CNTNAP2: variants seen among roughly 807,000 people sequenced by gnomAD.
CNTNAP2 encodes contactin associated protein 2, also known as contactin-associated protein-like 2.
CNTNAP2 carries 98 observed loss-of-function variants against 155.2 expected under a neutral mutation model. That is an observed-to-expected ratio of 0.63 (90% CI 0.54 to 0.75). The LOEUF (loss-of-function observed/expected upper bound fraction) is 0.75, where lower values mean the gene tolerates loss of function less well. Among genes scored for constraint, CNTNAP2 ranks in the 30% least tolerant of loss-of-function variants. The pLI is 0.00. For synonymous variants in CNTNAP2, 651 were observed against 631.2 expected (o/e 1.03, Z -0.47); for missense variants, 1,727 against 1,688.1 (o/e 1.02, Z -0.40).
In CNTNAP2 at chr7:147,639,239, C is replaced by T. The variant is rs752060241; in HGVS notation, c.2031C>T (p.Asp677=). 17 of 1,614,016 alleles carry T rather than the reference C, an allele frequency of 1.1e-5. No individual in the cohort carries two copies. The highest frequency in any genetic ancestry group is 1.4e-5 in the Non-Finnish European group (16 of 1,180,018). Residue 677 remains aspartate, a synonymous_variant, in exon 13 of 24, where the codon GAC becomes GAT. Transcript: ENST00000361727. ...ASMDQISAIT[D]SAEYCEQYVS... ...TGGACCAGATAAGTGCCATCACTGA[C>T]AGTGCCGAGTACTGCGAGCAGTATG...
chr7:148,132,632 A>G (rs1804856456), intron 16 of CNTNAP2, among the ~76,000 whole-genome samples: 1 of 152,238 alleles, frequency 6.6e-6, no homozygotes, highest in Non-Finnish European at 1.5e-5. Flanking sequence ...TAGAATAGAA[A>G]TGTTGAAGAA....
chr7:147,533,268 C>G (rs989905926), intron 11 of CNTNAP2, among the ~76,000 whole-genome samples: 2 of 152,210 alleles, frequency 1.3e-5, no homozygotes, highest in South Asian at 4.1e-4. Context: ...ATGCCTAGGA[C>G]AAAATTTCTA....
intron 3 of CNTNAP2, among the ~76,000 whole-genome samples, chr7:146,868,396 A>T (rs553965276): frequency 6.6e-6 from 1 of 152,148 alleles, no homozygotes; most frequent in Non-Finnish European, 1.5e-5. Flanking sequence ...GTGTACCATT[A>T]CCATGCTGTT....
intron 13 of CNTNAP2, among the ~76,000 whole-genome samples, chr7:147,656,096 A>G (rs1795521332): frequency 1.3e-5 from 2 of 152,360 alleles, no homozygotes; most frequent in South Asian, 4.1e-4. Context: ...TTTCTTCTGC[A>G]GACTTCTCAC....
At chr7:146,153,351 G>GT (rs1198043336) in intron 1 of CNTNAP2, among the ~76,000 whole-genome samples, 4 of 152,210 alleles carry the variant, frequency 2.6e-5, no homozygotes, top group African/African-American at 9.6e-5. Context: ...ATACTCACAC[G>GT]TAAGAATTGC....
In CNTNAP2 at chr7:146,985,308, A is replaced by ATTTTT. The variant is rs71165057; in HGVS notation, c.403-58574_403-58570dup. Among the ~76,000 whole-genome samples, 230 of 127,760 alleles carry ATTTTT rather than the reference A, an allele frequency of 1.8e-3. 14 individuals are homozygous for ATTTTT. The highest frequency in any genetic ancestry group is 7.0e-3 in the African/African-American group (223 of 31,930). 83.8% of individuals were successfully genotyped at this position (127,760 alleles called of 152,430 possible). A position where few individuals can be genotyped will look rare whatever the true frequency, so the allele number is the denominator to read the frequency against. ...CAAAGTGCTTGTGGAAAATGCTTGA[A>ATTTTT]TTTTTTTTTTTTTTTTTTTTTTTTT... On this transcript the variant is annotated intron_variant, in intron 3 of 23. Coordinates refer to ENST00000361727, the MANE Select transcript of CNTNAP2 (RefSeq NM_014141.6).
intron 10 of CNTNAP2, among the ~76,000 whole-genome samples, chr7:147,445,206 G>A (rs1425160538): frequency 6.6e-6 from 1 of 152,200 alleles, no homozygotes; most frequent in Non-Finnish European, 1.5e-5. Flanking sequence ...TCTCAGCAGG[G>A]ACAGGTGCCC....
At chr7:148,372,816 G>A (rs1232037006) in intron 21 of CNTNAP2, among the ~76,000 whole-genome samples, 2 of 152,006 alleles carry the variant, frequency 1.3e-5, no homozygotes, top group Non-Finnish European at 2.9e-5. Flanking sequence ...TCATATTTTT[G>A]TCTAACACTT....
chr7:148,232,398 G>C (rs1795980229), intron 20 of CNTNAP2, among the ~76,000 whole-genome samples: 1 of 152,210 alleles, frequency 6.6e-6, no homozygotes, highest in South Asian at 2.1e-4. Context: ...AGCCTCAACT[G>C]TGTGTGGAAA....
At chr7:147,125,213 C>T (rs1489667252) in intron 6 of CNTNAP2, among the ~76,000 whole-genome samples, 2 of 152,028 alleles carry the variant, frequency 1.3e-5, no homozygotes, top group Non-Finnish European at 1.5e-5. Flanking sequence ...GATGGGGTTT[C>T]ACCATGTCGA....
intron 1 of CNTNAP2, among the ~76,000 whole-genome samples, chr7:146,667,729 T>G (rs1800222837): frequency 1.3e-5 from 2 of 149,136 alleles, no homozygotes; most frequent in African/African-American, 4.9e-5. Context: ...TTTTTTTTTT[T>G]GTACACTATT....
At chr7:147,807,312 G>A (rs1212627150) in intron 13 of CNTNAP2, among the ~76,000 whole-genome samples, 1 of 115,576 alleles carries the variant, frequency 8.7e-6, no homozygotes, top group African/African-American at 3.6e-5. Flanking sequence ...GACAGAGCAG[G>A]TCCTTGACTC....
At chr7:148,287,390 G>A (rs749304283) in intron 21 of CNTNAP2, among the ~76,000 whole-genome samples, 4 of 152,226 alleles carry the variant, frequency 2.6e-5, no homozygotes, top group Admixed American at 6.5e-5. Flanking sequence ...GTTCAGCTTC[G>A]CTCATAATTG....
intron 3 of CNTNAP2, among the ~76,000 whole-genome samples, chr7:146,862,664 G>A (rs1334521159): frequency 6.6e-6 from 1 of 152,224 alleles, no homozygotes; most frequent in Non-Finnish European, 1.5e-5. Context: ...GGTTAGAGCA[G>A]ATGCTTTTAA....
intron 1 of CNTNAP2, among the ~76,000 whole-genome samples, chr7:146,432,321 T>C (rs1796184360): frequency 6.6e-6 from 1 of 152,148 alleles, no homozygotes; most frequent in African/African-American, 2.4e-5. Context: ...TGAGTCATGC[T>C]CACTGTTTTT....
chr7:146,531,854 T>C (rs945760958), intron 1 of CNTNAP2, among the ~76,000 whole-genome samples: 14 of 151,982 alleles, frequency 9.2e-5, no homozygotes, highest in African/African-American at 3.4e-4. Context: ...CTATAGCTTG[T>C]TTAAACAACA....
intron 1 of CNTNAP2, among the ~76,000 whole-genome samples, chr7:146,340,271 T>TTTG (rs200825227): frequency 8.1e-5 from 12 of 147,508 alleles, no homozygotes; most frequent in Middle Eastern, 3.6e-3. Context: ...CCTTTTTTTG[T>TTTG]TTGTTGTTGT....
intron 1 of CNTNAP2, among the ~76,000 whole-genome samples, chr7:146,354,377 G>T (rs960785152): frequency 8.6e-5 from 13 of 151,118 alleles, no homozygotes; most frequent in Non-Finnish European, 1.9e-4. Context: ...GTAGACACAG[G>T]TATATTTTAT....
At chr7:146,866,625 G>T (rs6961248) in intron 3 of CNTNAP2, among the ~76,000 whole-genome samples, 41,695 of 151,938 alleles carry the variant, frequency 0.27, 5,708 homozygotes, top group African/African-American at 0.29. Flanking sequence ...GGCTGGCACG[G>T]CAAGTGGGAG....
Sources: allele counts gnomAD v4.1 joint callset (sites outside exome capture counted in the v4.1 genomes callset), GRCh38; gene constraint gnomAD v4.1.1; transcripts MANE v1.5; gene names NCBI Gene and HGNC (gene_info 2026-07-23, HGNC 2026-07-21).